Variants in SLC35F3 observed in about 807,000 individuals in gnomAD.
The protein encoded by SLC35F3 is solute carrier family 35 member F3.
A neutral mutation model predicts 49.9 loss-of-function variants in SLC35F3; 25 were observed. The observed-to-expected ratio is 0.50, with a 90% CI of 0.37 to 0.70. The LOEUF (loss-of-function observed/expected upper bound fraction) is 0.70, where lower values mean the gene tolerates loss of function less well. Among genes scored for constraint, SLC35F3 ranks in the 30% least tolerant of loss-of-function variants. The pLI is 0.00. For synonymous variants in SLC35F3, 275 were observed against 265.4 expected (o/e 1.04, Z -0.35); for missense variants, 525 against 639.8 (o/e 0.82, Z 1.94).
chr1:233,974,174 C>CTTTTTTTTTT (rs757673463), intron 2 of SLC35F3, among the ~76,000 whole-genome samples: 6 of 83,110 alleles, frequency 7.2e-5, no homozygotes, highest in Non-Finnish European at 1.1e-4. Flanking sequence ...ATTTCTATTT[C>CTTTTTTTTTT]TTTTTTTTTT....
At chr1:234,158,662 A>G (rs2102912284) in intron 2 of SLC35F3, among the ~76,000 whole-genome samples, 1 of 152,302 alleles carries the variant, frequency 6.6e-6, no homozygotes, top group African/African-American at 2.4e-5. Context: ...TAATATTTGC[A>G]TACCTTCATG....
intron 2 of SLC35F3, among the ~76,000 whole-genome samples, chr1:234,178,142 A>T (rs1209187792): frequency 1.3e-5 from 2 of 152,170 alleles, no homozygotes; most frequent in East Asian, 3.8e-4. Flanking sequence ...ACCATGCCCC[A>T]GTTGCCTCCT....
At chr1:234,144,389 G>A (rs79542304) in intron 2 of SLC35F3, among the ~76,000 whole-genome samples, 10,460 of 152,126 alleles carry the variant, frequency 0.069, 591 homozygotes, top group African/African-American at 0.14. Context: ...CAACTCCTTC[G>A]AAGAAAAGGT....
chr1:234,115,522 C>T (rs1665472483), intron 2 of SLC35F3, among the ~76,000 whole-genome samples: 1 of 152,176 alleles, frequency 6.6e-6, no homozygotes, highest in Non-Finnish European at 1.5e-5. Context: ...CTCTTGGAAT[C>T]CAAATGCTTA....
intron 2 of SLC35F3, among the ~76,000 whole-genome samples, chr1:234,011,771 A>G (rs1307356421): frequency 6.6e-6 from 1 of 152,134 alleles, no homozygotes; most frequent in Admixed American, 6.5e-5. Flanking sequence ...ATGCAACATC[A>G]CTATTCAAGG....
At chr1:233,947,091 A>G (rs1662524457) in intron 2 of SLC35F3, among the ~76,000 whole-genome samples, 1 of 152,184 alleles carries the variant, frequency 6.6e-6, no homozygotes, top group South Asian at 2.1e-4. Context: ...GGACTTTTTC[A>G]AGAGAAACTT....
At chr1:234,181,349 A>C (rs1473545197) in intron 2 of SLC35F3, among the ~76,000 whole-genome samples, 2 of 151,762 alleles carry the variant, frequency 1.3e-5, no homozygotes, top group Non-Finnish European at 2.9e-5. Flanking sequence ...AAAAAAAAAA[A>C]AAAAAAGAAA....
chr1:234,115,185 C>T (rs997950674), intron 2 of SLC35F3, among the ~76,000 whole-genome samples: 1 of 152,144 alleles, frequency 6.6e-6, no homozygotes, highest in African/African-American at 2.4e-5. Flanking sequence ...CTGGAAGAAG[C>T]TGGATGTGCA....
At chr1:234,235,974 C>T (rs1667461985) in intron 3 of SLC35F3, among the ~76,000 whole-genome samples, 1 of 152,122 alleles carries the variant, frequency 6.6e-6, no homozygotes, top group Admixed American at 6.5e-5. Context: ...AAAATAGTTA[C>T]TGTGCGTCTT....
At chr1:234,061,076 T>C (rs1664532300) in intron 2 of SLC35F3, among the ~76,000 whole-genome samples, 2 of 152,340 alleles carry the variant, frequency 1.3e-5, no homozygotes, top group South Asian at 4.1e-4. Flanking sequence ...TATTTTTGTG[T>C]AAACTCAAAT....
At chr1:233,932,157 G>A (rs544151359) in intron 2 of SLC35F3, among the ~76,000 whole-genome samples, 2 of 152,212 alleles carry the variant, frequency 1.3e-5, no homozygotes, top group Admixed American at 1.3e-4. Flanking sequence ...GGGGTGGGGG[G>A]CTAGGAGAGG....
intron 3 of SLC35F3, among the ~76,000 whole-genome samples, chr1:234,238,859 T>A (rs1227484777): frequency 6.6e-6 from 1 of 152,238 alleles, no homozygotes; most frequent in Non-Finnish European, 1.5e-5. Flanking sequence ...ATCAAGGATA[T>A]GGCTTTGAAG....
intron 2 of SLC35F3, among the ~76,000 whole-genome samples, chr1:233,918,762 GTCTC>G (rs1270389463): frequency 1.4e-5 from 2 of 148,022 alleles, no homozygotes; most frequent in African/African-American, 2.5e-5. Flanking sequence ...GTGAGACTCC[GTCTC>G]TCTCTCTCTC....
intron 2 of SLC35F3, among the ~76,000 whole-genome samples, chr1:234,128,329 C>A (rs1325462834): frequency 6.6e-6 from 1 of 152,102 alleles, no homozygotes; most frequent in African/African-American, 2.4e-5. Context: ...TGGCGAAGGA[C>A]AATAGAAGAT....
At chr1:234,278,438 CAAG>C (rs1668249069) in intron 3 of SLC35F3, among the ~76,000 whole-genome samples, 1 of 145,180 alleles carries the variant, frequency 6.9e-6, no homozygotes, top group Non-Finnish European at 1.5e-5. Context: ...TGCAGTAAGC[CAAG>C]ACTGCACCAC....
chr1:234,293,755 T>C lies in SLC35F3; in HGVS notation c.609-15346T>C, dbSNP rs1306207825. Among the ~76,000 whole-genome samples the C allele has an allele frequency of 2.0e-5, 3 of 152,194 alleles. No individual in the cohort carries two copies. In the East Asian group the frequency reaches 5.8e-4, roughly 29 times the overall value. ...TGGCCTTGAAAAGCTTTCCAATTAATAGAAATCAGTGTTATCCAAAAAGGC... is the reference window on the plus strand; with the variant it reads ...TGGCCTTGAAAAGCTTTCCAATTAACAGAAATCAGTGTTATCCAAAAAGGC... On this transcript the variant is annotated intron_variant, in intron 3 of 7. Coordinates refer to ENST00000366618, the MANE Select transcript of SLC35F3 (RefSeq NM_173508.4).
In SLC35F3 at chr1:233,905,544, A is replaced by G; in HGVS notation, c.69A>G (p.Ser23=). The change falls in exon 2 of 8, where the codon TCA becomes TCG. Residue 23 remains serine (S), a synonymous_variant. Transcript: ENST00000366618. ...GKSIAVGMRR[S]PDVSPRRLSD... Reference sequence around the variant, plus strand: ...GCGACCGCAGTGGCATGAGGAGGTCACCGGACGTCAGCCCCCGGAGACTGT... The same window carrying G: ...GCGACCGCAGTGGCATGAGGAGGTCGCCGGACGTCAGCCCCCGGAGACTGT... 3.1e-6 allele frequency: 5 copies of G among 1,613,510 alleles called. No individual in the cohort carries two copies. The highest frequency in any genetic ancestry group is 3.3e-4 in the Middle Eastern group (2 of 6,062).
intron 2 of SLC35F3, among the ~76,000 whole-genome samples, chr1:233,920,351 G>A (rs1435941501): frequency 1.3e-5 from 2 of 152,264 alleles, no homozygotes; most frequent in Non-Finnish European, 2.9e-5. Context: ...TGGAAGGCAA[G>A]AGTGGAGTTT....
intron 2 of SLC35F3, among the ~76,000 whole-genome samples, chr1:234,078,518 T>C (rs1198638244): frequency 6.6e-6 from 1 of 152,216 alleles, no homozygotes; most frequent in Non-Finnish European, 1.5e-5. Flanking sequence ...TCCCCCTTGC[T>C]CCTTTCTGAA....
Sources: allele counts gnomAD v4.1 joint callset (sites outside exome capture counted in the v4.1 genomes callset), GRCh38; gene constraint gnomAD v4.1.1; transcripts MANE v1.5; gene names NCBI Gene and HGNC (gene_info 2026-07-23, HGNC 2026-07-21).